ATP8A2: variants seen among roughly 807,000 people sequenced by gnomAD.
ATP8A2 encodes phospholipid-transporting ATPase IB.
Under a neutral mutation model 165.6 loss-of-function variants are expected in ATP8A2, and 100 were observed. The observed-to-expected ratio is 0.60, with a 90% confidence interval of 0.51 to 0.71. The LOEUF is 0.71. Among genes scored for constraint, ATP8A2 ranks in the 30% least tolerant of loss-of-function variants. ATP8A2 has a pLI of 0.00. For missense variants in ATP8A2, 1,227 were observed against 1,479.5 expected (o/e 0.83, Z 2.80); for synonymous variants, 543 against 548.8 (o/e 0.99, Z 0.15).
At chr13:26,005,568 ATTTCTAT>A in intron 35 of ATP8A2, among the ~76,000 whole-genome samples, 1 of 152,024 alleles carries the variant, frequency 6.6e-6, no homozygotes, top group Non-Finnish European at 1.5e-5. Context: ...ATAGACATTT[ATTTCTAT>A]AAGTTCCCTT....
At chr13:25,451,612 G>T (rs1358068819) in intron 1 of ATP8A2, among the ~76,000 whole-genome samples, 2 of 152,056 alleles carry the variant, frequency 1.3e-5, no homozygotes, top group African/African-American at 4.8e-5. Context: ...CTTGGTAATT[G>T]ATGTGCAATT....
rs756151132 is a variant in ATP8A2 at position 25,871,650 on chromosome 13, C to T, written c.3183+9242C>T. On this transcript the variant is annotated intron_variant, in intron 33 of 36. Coordinates refer to ENST00000381655, the MANE Select transcript of ATP8A2 (RefSeq NM_016529.6). ...TATCTGAGAGGCCCAAAATACTGAA[C>T]AGACTTAAAAGTAGGGGATATTTTC... Among the ~76,000 whole-genome samples the T allele has an allele frequency of 2.0e-5, 3 of 152,104 alleles. No homozygotes were observed. The East Asian group carries it at 5.8e-4, about 29-fold the overall frequency.
intron 35 of ATP8A2, among the ~76,000 whole-genome samples, chr13:26,007,506 G>C (rs1399555901): frequency 2.0e-5 from 3 of 152,308 alleles, no homozygotes; most frequent in East Asian, 1.9e-4. Context: ...CTGTGATCTT[G>C]TTCTGTAGAC....
At chr13:25,391,723 C>T (rs933290139) in intron 1 of ATP8A2, among the ~76,000 whole-genome samples, 3 of 152,178 alleles carry the variant, frequency 2.0e-5, no homozygotes, top group Admixed American at 1.3e-4. Context: ...AAGAAAGAAA[C>T]TTACATGTAT....
At chr13:25,791,180 A>G (rs1181770213) in intron 27 of ATP8A2, among the ~76,000 whole-genome samples, 3 of 152,212 alleles carry the variant, frequency 2.0e-5, no homozygotes, top group Non-Finnish European at 2.9e-5. Context: ...TGTGGTACAT[A>G]TACACCATGG....
In ATP8A2 at chr13:25,890,525, C is replaced by T. The variant is rs562988641; in HGVS notation, c.3183+28117C>T. On this transcript the variant is annotated intron_variant, in intron 33 of 36. Coordinates refer to ENST00000381655, the MANE Select transcript of ATP8A2 (RefSeq NM_016529.6). Reference sequence around the variant, plus strand: ...CCTTCCCTGATACGTATTTGTACTTCTGTCTTCATGACCAGCAGACCAGCC... The same window carrying T: ...CCTTCCCTGATACGTATTTGTACTTTTGTCTTCATGACCAGCAGACCAGCC... 3.9e-5 allele frequency among the ~76,000 whole-genome samples: 6 copies of T among 152,310 alleles called. No homozygotes were observed. In the South Asian group the frequency reaches 1.2e-3, roughly 32 times the overall value.
intron 1 of ATP8A2, among the ~76,000 whole-genome samples, chr13:25,460,553 A>T (rs1388927625): frequency 2.0e-5 from 3 of 152,210 alleles, no homozygotes; most frequent in African/African-American, 7.2e-5. Context: ...TATGAAATAC[A>T]TTTCCTTAAA....
chr13:25,425,019 T>A (rs1371485334), intron 1 of ATP8A2, among the ~76,000 whole-genome samples: 1 of 152,236 alleles, frequency 6.6e-6, no homozygotes, highest in Non-Finnish European at 1.5e-5. Context: ...CAAGTTTTCC[T>A]GATAGATCAT....
chr13:25,452,055 G>A (rs1041832691), intron 1 of ATP8A2, among the ~76,000 whole-genome samples: 4 of 151,920 alleles, frequency 2.6e-5, no homozygotes, highest in East Asian at 3.9e-4. Context: ...GGGTTTTACC[G>A]TGTTAGCCAG....
intron 2 of ATP8A2, among the ~76,000 whole-genome samples, chr13:25,528,953 T>G (rs2037941925): frequency 6.6e-6 from 1 of 152,008 alleles, no homozygotes; most frequent in African/African-American, 2.4e-5. Flanking sequence ...ATTAGGTGTA[T>G]CTCCTAATGC....
chr13:26,001,595 A>G (rs1593697929), intron 35 of ATP8A2, among the ~76,000 whole-genome samples: 1 of 152,046 alleles, frequency 6.6e-6, no homozygotes, highest in Admixed American at 6.5e-5. Flanking sequence ...ATCTCATGGT[A>G]GTTTTGATTT....
chr13:25,646,893 C>G (rs2041688101), intron 24 of ATP8A2, among the ~76,000 whole-genome samples: 1 of 151,926 alleles, frequency 6.6e-6, no homozygotes, highest in South Asian at 2.1e-4. Context: ...TTTTCTTTGT[C>G]TACTATAGAT....
At chr13:25,611,834 C>T (rs1017467404) in intron 24 of ATP8A2, among the ~76,000 whole-genome samples, 28 of 151,948 alleles carry the variant, frequency 1.8e-4, no homozygotes, top group Admixed American at 1.4e-3. Flanking sequence ...GGTCTTTTCA[C>T]GGTTTCTATT....
At chr13:25,716,297 A>G (rs2043253756) in intron 25 of ATP8A2, among the ~76,000 whole-genome samples, 1 of 152,098 alleles carries the variant, frequency 6.6e-6, no homozygotes, top group South Asian at 2.1e-4. Context: ...ACTTGATGGT[A>G]TTGTTTGTAG....
chr13:25,532,174 T>C lies in ATP8A2; in HGVS notation c.421-98T>C, dbSNP rs1402296657. The C allele has an allele frequency of 1.9e-5, 18 of 951,100 alleles. No individual in the cohort carries two copies. The South Asian group carries it at 2.7e-4, about 14-fold the overall frequency. 58.9% of individuals were successfully genotyped at this position (951,100 alleles called of 1,614,324 possible). On this transcript the variant is annotated intron_variant, in intron 4 of 36. Coordinates refer to ENST00000381655, the MANE Select transcript of ATP8A2 (RefSeq NM_016529.6). ...GCATGAGCATTATTGGCATTTAGTT[T>C]CCTTGTCCCCTGTAATTTCCTGATT...
At chr13:25,921,385 A>C (rs1327376987) in intron 33 of ATP8A2, among the ~76,000 whole-genome samples, 1 of 151,730 alleles carries the variant, frequency 6.6e-6, no homozygotes, top group Non-Finnish European at 1.5e-5. Flanking sequence ...TGGGAGGCTG[A>C]GGCGGGTGGA....
chr13:25,586,403 G>A (rs1041730774), intron 23 of ATP8A2, among the ~76,000 whole-genome samples: 2 of 152,164 alleles, frequency 1.3e-5, no homozygotes, highest in African/African-American at 4.8e-5. Context: ...ATGTTCTTCT[G>A]TGTGGCGAGG....
At chr13:25,567,114 T>TA (rs1231229969) in intron 16 of ATP8A2, 14 of 310,744 alleles carry the variant, frequency 4.5e-5, no homozygotes, top group African/African-American at 2.8e-4. Context: ...GGGATTCTAG[T>TA]GTTTGAAAGA....
intron 27 of ATP8A2, among the ~76,000 whole-genome samples, chr13:25,792,705 G>A (rs1451014979): frequency 6.6e-6 from 1 of 151,948 alleles, no homozygotes; most frequent in Non-Finnish European, 1.5e-5. Context: ...CAGCCTAGGC[G>A]TTCAAGAGCA....
Sources: gnomAD v4.1 joint callset for allele counts (sites outside exome capture counted in the v4.1 genomes callset) on GRCh38, gnomAD v4.1.1 for gene constraint, MANE v1.5 for transcripts, NCBI Gene and HGNC (gene_info 2026-07-23, HGNC 2026-07-21) for gene names.